The following AK8 variants were observed in gnomAD, a reference collection of about 807,000 sequenced individuals.
AK8 encodes the protein adenylate kinase 8.
AK8 carries 44 observed loss-of-function variants against 54.6 expected under a neutral mutation model. The ratio of observed to expected loss-of-function variants is 0.81; its 90% CI spans 0.63 to 1.04. The LOEUF is 1.04. AK8 is among the 50% of genes least tolerant of loss of function. The pLI is 0.00. For missense variants in AK8, 555 were observed against 613.6 expected, an observed-to-expected ratio of 0.90 and a Z score of 1.01; for synonymous variants, 239 against 245.6, an observed-to-expected ratio of 0.97 and a Z score of 0.25.
At position 132,837,101 on chromosome 9, in the gene AK8, A is replaced by G. The variant is rs1485191161; in HGVS notation, c.403-8375T>C. Among the ~76,000 whole-genome samples the G allele has an allele frequency of 1.3e-5, 2 of 152,106 alleles. No homozygotes were observed. The highest frequency in any genetic ancestry group is 4.8e-5 in the African/African-American group (2 of 41,420). ...TTTGGGAGGCCAAGGTAGGCGGATC[A>G]TGAGGTCAAGAGATCGAGACCATCC... On this transcript the variant is annotated intron_variant, in intron 5 of 12. Coordinates refer to ENST00000298545, the MANE Select transcript of AK8 (RefSeq NM_152572.3). The surrounding 1 kb of genome is among the most constrained non-coding windows in gnomAD (Gnocchi z 4.3).
chr9:132,878,865 C>T, upstream of AK8: 1 of 811,106 alleles, frequency 1.2e-6, no homozygotes, highest in South Asian at 5.6e-5. This position sits in a 1 kb window ranked among gnomAD's most constrained non-coding sequence, Gnocchi z 4.7. Context: ...CGCCCGCGGC[C>T]CCGCCCCTTC....
intron 5 of AK8, 114 bp downstream of exon 5, chr9:132,854,743 G>A: frequency 8.7e-7 from 1 of 1,149,658 alleles, no homozygotes; most frequent in Middle Eastern, 1.9e-4. Context: ...GTTCCCGTTT[G>A]CCTGCCTTAC....
In AK8 at chr9:132,846,514, TGAA is replaced by T. The variant is rs1161559638; in HGVS notation, c.402+8340_402+8342del. 4.0e-4 allele frequency among the ~76,000 whole-genome samples: 14 copies of T among 35,194 alleles called. No homozygotes were observed. The East Asian group carries it at 7.1e-3, about 18-fold the overall frequency. 23.1% of individuals were successfully genotyped at this position (35,194 alleles called of 152,430 possible). A position where few individuals can be genotyped will look rare whatever the true frequency, so the allele number is the denominator to read the frequency against. ...TTGCATGAGAGAATAGATGAATGAA[TGAA>T]TGAATGAATGAATGAATGAATGAAT... On this transcript the variant is annotated intron_variant, in intron 5 of 12. Coordinates refer to ENST00000298545, the MANE Select transcript of AK8 (RefSeq NM_152572.3).
intron 11 of AK8, among the ~76,000 whole-genome samples, chr9:132,792,245 G>GA (rs1839974877): frequency 1.3e-5 from 2 of 151,964 alleles, no homozygotes; most frequent in African/African-American, 4.8e-5. Flanking sequence ...ACCATTTGGG[G>GA]AAAAAATAAA....
rs1310602505 is a variant in AK8, at chr9:132,853,039, G to A, written c.402+1818C>T. Among the ~76,000 whole-genome samples, 7 of 152,058 alleles carry A rather than the reference G, an allele frequency of 4.6e-5. No individual in the cohort carries two copies. In the East Asian group the frequency reaches 9.7e-4, roughly 21 times the overall value. ...AATAAGCCCAAAGAAATTCATCCCAGACATGTCATAATTATACTAGTGAAA... is the reference window on the plus strand; with the variant it reads ...AATAAGCCCAAAGAAATTCATCCCAAACATGTCATAATTATACTAGTGAAA... On this transcript the variant is annotated intron_variant, in intron 5 of 12. Transcript: ENST00000298545.
chr9:132,749,338 G>A (rs1346416440), intron 11 of AK8, among the ~76,000 whole-genome samples: 1 of 151,884 alleles, frequency 6.6e-6, no homozygotes, highest in East Asian at 1.9e-4. Context: ...CCTAGTAAAG[G>A]CAGGCTCTGG....
intron 11 of AK8, among the ~76,000 whole-genome samples, chr9:132,754,512 T>C (rs903274951): frequency 6.6e-6 from 1 of 152,184 alleles, no homozygotes; most frequent in Non-Finnish European, 1.5e-5. Flanking sequence ...CCCATCTGAT[T>C]GGAAACATAT....
intron 11 of AK8, among the ~76,000 whole-genome samples, chr9:132,756,105 C>A (rs772193120): frequency 6.6e-6 from 1 of 152,180 alleles, no homozygotes; most frequent in Non-Finnish European, 1.5e-5. Context: ...TCCTCAGCTG[C>A]CCTTAGCTTT....
At position 132,828,707 on chromosome 9, in the gene AK8, A is replaced by T. The variant is rs750078559; in HGVS notation, c.422T>A (p.Ile141Asn). ...CIKQGWILDG[I>N]PETREQALRI... The stretch of plus-strand genomic sequence containing the variant: ...CAGAGCCTGCTCACGCGTCTCAGGG[A>T]TGCCATCCAGAATCCAGCCCTAGAC... The change falls in exon 6 of 13, where the codon ATC becomes AAC. Residue 141 changes from isoleucine to asparagine, a missense_variant. Coordinates refer to ENST00000298545, the MANE Select transcript of AK8 (RefSeq NM_152572.3). The T allele has an allele frequency of 3.7e-6, 6 of 1,612,084 alleles. No homozygotes were observed. The highest frequency in any genetic ancestry group is 5.1e-6 in the Non-Finnish European group (6 of 1,178,612).
At chr9:132,873,896 C>G (rs1267489050) in intron 2 of AK8, among the ~76,000 whole-genome samples, 1 of 152,172 alleles carries the variant, frequency 6.6e-6, no homozygotes, top group Non-Finnish European at 1.5e-5. Context: ...AAACCTCCCA[C>G]CTGTACCATG....
At chr9:132,809,970 G>A (rs1840918376) in intron 10 of AK8, among the ~76,000 whole-genome samples, 1 of 152,202 alleles carries the variant, frequency 6.6e-6, no homozygotes, top group Admixed American at 6.5e-5. Context: ...TTTTCTTCCT[G>A]TTTCAGCTGG....
intron 11 of AK8, among the ~76,000 whole-genome samples, chr9:132,756,264 A>G (rs1838185606): frequency 6.6e-6 from 1 of 152,204 alleles, no homozygotes; most frequent in Non-Finnish European, 1.5e-5. Context: ...CTCCCAAAAA[A>G]GAAGCTCCCA....
chr9:132,728,754 A>G (rs942538752), intron 11 of AK8, among the ~76,000 whole-genome samples: 1 of 152,132 alleles, frequency 6.6e-6, no homozygotes, highest in African/African-American at 2.4e-5. Flanking sequence ...AATAAGCCCA[A>G]ATCAGAACCC....
At chr9:132,827,991 G>C in intron 7 of AK8, 22 bp downstream of exon 7, 1 of 1,554,618 alleles carries the variant, frequency 6.4e-7, no homozygotes, top group South Asian at 1.2e-5. Context: ...ATGGGGCTGG[G>C]TGGGGGTGGC....
intron 9 of AK8, among the ~76,000 whole-genome samples, chr9:132,820,756 A>C (rs185814203): frequency 1.5e-4 from 23 of 152,184 alleles, no homozygotes; most frequent in African/African-American, 4.1e-4. Flanking sequence ...GTTTGGAGAT[A>C]TTTTCCTTTG....
chr9:132,862,654 C>A (rs1404007338), intron 4 of AK8, among the ~76,000 whole-genome samples: 2 of 152,108 alleles, frequency 1.3e-5, no homozygotes, highest in African/African-American at 4.8e-5. Context: ...TCTGTGAGAA[C>A]TGCCATCCCC....
At chr9:132,858,849 G>A (rs1054531554) in intron 4 of AK8, among the ~76,000 whole-genome samples, 14 of 152,148 alleles carry the variant, frequency 9.2e-5, no homozygotes, top group Admixed American at 5.2e-4. Flanking sequence ...ACCTCATAGC[G>A]TGGCACCCAG....
intron 11 of AK8, among the ~76,000 whole-genome samples, chr9:132,750,951 C>A (rs1348865694): frequency 6.6e-6 from 1 of 152,018 alleles, no homozygotes; most frequent in East Asian, 1.9e-4. Flanking sequence ...TGGAAAAGAA[C>A]CCAGGGTTAA....
At chr9:132,812,843 C>T (rs1301268121) in intron 10 of AK8, among the ~76,000 whole-genome samples, 2 of 151,808 alleles carry the variant, frequency 1.3e-5, no homozygotes, top group African/African-American at 2.4e-5. Context: ...CTGTGGCCAC[C>T]GCAGACACCC....
Sources: allele counts gnomAD v4.1 joint callset (sites outside exome capture counted in the v4.1 genomes callset), GRCh38; gene constraint gnomAD v4.1.1; non-coding constraint Gnocchi (gnomAD v3.1); transcripts MANE v1.5; gene names NCBI Gene and HGNC (gene_info 2026-07-23, HGNC 2026-07-21).